Variants in CSMD1 observed in about 807,000 individuals in gnomAD.
CSMD1 encodes CUB and Sushi multiple domains 1, also known as CUB and sushi domain-containing protein 1.
Under a neutral mutation model 417.5 loss-of-function variants are expected in CSMD1, and 213 were observed. That is an observed-to-expected ratio of 0.51 (90% CI 0.46 to 0.57). CSMD1 has a LOEUF of 0.57. Among genes scored for constraint, CSMD1 ranks in the 20% least tolerant of loss-of-function variants. The pLI is 0.00. For synonymous variants in CSMD1, 2,862 were observed against 1,736.8 expected, an observed-to-expected ratio of 1.65 and a Z score of -16.11; for missense variants, 6,923 against 4,529.7, an observed-to-expected ratio of 1.53 and a Z score of -15.17.
At chr8:4,083,199 C>T (rs1800233678) in intron 3 of CSMD1, among the ~76,000 whole-genome samples, 2 of 152,042 alleles carry the variant, frequency 1.3e-5, no homozygotes, top group Non-Finnish European at 2.9e-5. Flanking sequence ...CACTGACTTC[C>T]ACAATGGTTG....
chr8:4,068,226 G>C (rs1799359246), intron 3 of CSMD1, among the ~76,000 whole-genome samples: 1 of 152,198 alleles, frequency 6.6e-6, no homozygotes, highest in Non-Finnish European at 1.5e-5. Flanking sequence ...GTTAAAAGCA[G>C]AAGAAAATGA....
At chr8:3,756,645 A>G (rs923996872) in intron 5 of CSMD1, among the ~76,000 whole-genome samples, 1 of 152,216 alleles carries the variant, frequency 6.6e-6, no homozygotes, top group African/African-American at 2.4e-5. Flanking sequence ...ATAGAAGACT[A>G]TGAATACAAA....
intron 37 of CSMD1, among the ~76,000 whole-genome samples, chr8:3,173,904 A>G (rs185369154): frequency 6.6e-6 from 1 of 152,206 alleles, no homozygotes; most frequent in African/African-American, 2.4e-5. Flanking sequence ...ATCTGTATTC[A>G]ATTATGGCAA....
chr8:3,970,034 C>G (rs1344039687), intron 5 of CSMD1, among the ~76,000 whole-genome samples: 1 of 152,216 alleles, frequency 6.6e-6, no homozygotes, highest in East Asian at 1.9e-4. Context: ...CCTTTCCCTT[C>G]AGCATACTGA....
intron 3 of CSMD1, among the ~76,000 whole-genome samples, chr8:4,391,125 C>G (rs948433265): frequency 2.0e-5 from 3 of 152,166 alleles, no homozygotes; most frequent in Non-Finnish European, 2.9e-5. Context: ...CTGTGTTTCT[C>G]TAGGGACCCA....
intron 1 of CSMD1, among the ~76,000 whole-genome samples, chr8:4,773,324 C>A (rs75634845): frequency 6.6e-6 from 1 of 152,216 alleles, no homozygotes; most frequent in African/African-American, 2.4e-5. Flanking sequence ...TGCAGTTCTG[C>A]CTTCTAAGCT....
At chr8:4,055,627 T>C (rs1798652152) in intron 3 of CSMD1, among the ~76,000 whole-genome samples, 2 of 152,038 alleles carry the variant, frequency 1.3e-5, no homozygotes. Flanking sequence ...AAAATATTAA[T>C]GGAAAATATT....
At chr8:4,446,735 G>GTGTGTGTGTGTGTGTGTGTGTC (rs1563183176) in intron 2 of CSMD1, among the ~76,000 whole-genome samples, 10 of 113,718 alleles carry the variant, frequency 8.8e-5, no homozygotes, top group African/African-American at 3.7e-4. Context: ...GTGTGTGTCT[G>GTGTGTGTGTGTGTGTGTGTGTC]TGTGTGTGTG....
At chr8:3,609,301 C>T (rs1392816488) in intron 8 of CSMD1, among the ~76,000 whole-genome samples, 2 of 152,136 alleles carry the variant, frequency 1.3e-5, no homozygotes, top group African/African-American at 4.8e-5. Flanking sequence ...TGAGCTCCCT[C>T]CCTCAGATAT....
At chr8:3,528,372 A>C (rs1252181810) in intron 10 of CSMD1, among the ~76,000 whole-genome samples, 1 of 152,158 alleles carries the variant, frequency 6.6e-6, no homozygotes, top group Non-Finnish European at 1.5e-5. Flanking sequence ...AGAGAATACA[A>C]ATATCTAAGA....
At chr8:4,961,072 T>C (rs1809449522) in intron 1 of CSMD1, among the ~76,000 whole-genome samples, 1 of 152,108 alleles carries the variant, frequency 6.6e-6, no homozygotes, top group African/African-American at 2.4e-5. Context: ...CACTTTGGAG[T>C]AAAATTAACA....
intron 3 of CSMD1, among the ~76,000 whole-genome samples, chr8:4,369,634 G>A (rs1348236681): frequency 2.6e-5 from 4 of 152,166 alleles, no homozygotes; most frequent in Non-Finnish European, 4.4e-5. Context: ...CACGTTGAGT[G>A]ACTTAACTAC....
chr8:4,587,885 C>T (rs1484693611), intron 2 of CSMD1, among the ~76,000 whole-genome samples: 1 of 152,150 alleles, frequency 6.6e-6, no homozygotes, highest in East Asian at 1.9e-4. Flanking sequence ...AAACTGTTGT[C>T]CCTTTAAAAA....
At position 4,165,770 on chromosome 8, in the gene CSMD1, G is replaced by C. The variant is rs78910611; in HGVS notation, c.416-133671C>G. ...TCATTTCTTCCTGGTCATGCCATGA[G>C]GTGTTAGCTCACGTGTTGTCACTCC... On this transcript the variant is annotated intron_variant, in intron 3 of 69. Transcript: ENST00000635120. Among the ~76,000 whole-genome samples, 969 of 152,260 alleles carry C rather than the reference G, an allele frequency of 6.4e-3. 9 individuals carry two copies. Among genetic ancestry groups the C allele is most frequent in the African/African-American group, 0.023 (936 of 41,548 alleles).
At chr8:3,001,724 G>T (rs1158634029) in intron 52 of CSMD1, among the ~76,000 whole-genome samples, 2 of 152,158 alleles carry the variant, frequency 1.3e-5, no homozygotes, top group African/African-American at 2.4e-5. Flanking sequence ...TAGGAAAACA[G>T]CTACAGAAGC....
intron 3 of CSMD1, among the ~76,000 whole-genome samples, chr8:4,181,940 C>G (rs566866678): frequency 2.4e-4 from 26 of 108,632 alleles, no homozygotes; most frequent in African/African-American, 8.8e-4. Flanking sequence ...CTAGGTGATT[C>G]TGTTTGTCTG....
intron 2 of CSMD1, among the ~76,000 whole-genome samples, chr8:4,612,176 G>A (rs1390218291): frequency 6.6e-6 from 1 of 152,028 alleles, no homozygotes; most frequent in African/African-American, 2.4e-5. Context: ...CTTGAACGCT[G>A]AGTGCTAAAA....
intron 9 of CSMD1, among the ~76,000 whole-genome samples, 200 bp from the exon 10 acceptor site, chr8:3,575,266 C>A (rs1800103852): frequency 6.6e-6 from 1 of 151,918 alleles, no homozygotes; most frequent in Non-Finnish European, 1.5e-5. Flanking sequence ...TGCTTGGTAT[C>A]TGCAGTGTTA....
intron 18 of CSMD1, among the ~76,000 whole-genome samples, chr8:3,382,879 T>C (rs1810725791): frequency 6.6e-6 from 1 of 152,090 alleles, no homozygotes; most frequent in Admixed American, 6.6e-5. Flanking sequence ...TGTTTCTGGA[T>C]TTCTTTAGTT....
Sources: gnomAD v4.1 joint callset for allele counts (sites outside exome capture counted in the v4.1 genomes callset) on GRCh38, gnomAD v4.1.1 for gene constraint, MANE v1.5 for transcripts, NCBI Gene and HGNC (gene_info 2026-07-23, HGNC 2026-07-21) for gene names.